The following ENTPD1 variants were observed in gnomAD, a reference collection of about 807,000 sequenced individuals.
ENTPD1 encodes the protein ATP diphosphohydrolase.
ENTPD1 carries 33 observed loss-of-function variants against 57.0 expected under a neutral mutation model. That is an observed-to-expected ratio of 0.58 (90% CI 0.44 to 0.77). The LOEUF is 0.77. Ranked by LOEUF, ENTPD1 falls within the 30% of genes least tolerant of loss-of-function variation. The pLI, the probability that ENTPD1 is intolerant of heterozygous loss-of-function variation, is 0.00. For missense variants in ENTPD1, 501 were observed against 603.4 expected (o/e 0.83, Z 1.78); for synonymous variants, 202 against 218.8 (o/e 0.92, Z 0.68).
At chr10:95,756,332 G>A in intron 1 of ENTPD1, 77 bp downstream of exon 1, 2 of 1,474,192 alleles carry the variant, frequency 1.4e-6, no homozygotes. Flanking sequence ...AGACCAAAAA[G>A]CAAGTACTTG....
chr10:95,814,430 T>C (rs2098322731), intron 1 of ENTPD1, among the ~76,000 whole-genome samples: 1 of 152,212 alleles, frequency 6.6e-6, no homozygotes, highest in African/African-American at 2.4e-5. Flanking sequence ...GAGTCAGGTA[T>C]AACCAAGTGC....
chr10:95,873,165 C>T lies in ENTPD1; in HGVS notation c.*6782C>T, dbSNP rs777356561. The T allele has an allele frequency of 3.0e-6, 3 of 985,320 alleles. No individual in the cohort carries two copies. Among genetic ancestry groups the T allele is most frequent in the Non-Finnish European group, 3.6e-6 (3 of 829,844 alleles). 61.0% of individuals were successfully genotyped at this position (985,320 alleles called of 1,614,324 possible). On this transcript the variant is annotated 3_prime_UTR_variant, in exon 10 of 10. Coordinates refer to ENST00000371205, the MANE Select transcript of ENTPD1 (RefSeq NM_001776.6). Reference sequence around the variant, plus strand: ...CCAATACATCTGTCCAGGAATCACACTTTGCGTATCAAAGGTCTAGATGAC... The same window carrying T: ...CCAATACATCTGTCCAGGAATCACATTTTGCGTATCAAAGGTCTAGATGAC...
In ENTPD1 at chr10:95,839,802, G is replaced by C. The variant is rs1264964238; in HGVS notation, c.256G>C (p.Val86Leu). The change falls in exon 3 of 10, where the codon GTT (valine) becomes CTT (leucine). Residue 86 changes from valine to leucine, a missense_variant. Physicochemically the swap from Val to Leu is conservative, Grantham distance 32. Coordinates refer to ENST00000371205, the MANE Select transcript of ENTPD1 (RefSeq NM_001776.6). ...GVVHQVEECR[V>L]KGPGISKFVQ... ...GGTGCATCAAGTAGAAGAATGCAGG[G>C]TTAAAGGTAAGATGAAGACCAAGGG... 59 of 1,613,902 alleles carry C rather than the reference G, an allele frequency of 3.7e-5. No individual in the cohort carries two copies. The highest frequency in any genetic ancestry group is 4.7e-5 in the Non-Finnish European group (56 of 1,179,976).
chr10:95,716,607 G>GT, intron 1 of ENTPD1, among the ~76,000 whole-genome samples: 1 of 152,260 alleles, frequency 6.6e-6, no homozygotes, highest in Admixed American at 6.5e-5. Context: ...TTCCTCTCAT[G>GT]TTTTGTCTCT....
chr10:95,871,585 A>C lies in ENTPD1; in HGVS notation c.*5202A>C. 3 of 985,468 alleles carry C rather than the reference A, an allele frequency of 3.0e-6. No homozygotes were observed. Among genetic ancestry groups the C allele is most frequent in the Non-Finnish European group, 3.6e-6 (3 of 829,934 alleles). The allele number at this position is 985,468 out of a possible 1,614,324, so 61.0% of individuals were successfully genotyped here. ...TATAATGGATTTTTCAATAGTGAGG[A>C]GGTGCCTCCATGAGCCTTCTCTTTA... On this transcript the variant is annotated 3_prime_UTR_variant, in exon 10 of 10. Transcript: ENST00000371205.
intron 7 of ENTPD1, among the ~76,000 whole-genome samples, chr10:95,850,039 C>T (rs2140898279): frequency 6.6e-6 from 1 of 152,340 alleles, no homozygotes; most frequent in African/African-American, 2.4e-5. Flanking sequence ...CAAACCTTTC[C>T]TCCTTAGGGG....
intron 1 of ENTPD1, among the ~76,000 whole-genome samples, chr10:95,806,815 C>T (rs546557562): frequency 5.9e-5 from 9 of 152,310 alleles, no homozygotes; most frequent in African/African-American, 1.9e-4. Context: ...GTATCACCAG[C>T]GGAGGCTGCA....
chr10:95,779,196 G>T lies in ENTPD1; in HGVS notation c.16+22941G>T, dbSNP rs143287897. 1.4e-4 allele frequency among the ~76,000 whole-genome samples: 22 copies of T among 152,134 alleles called. 1 individual carries two copies. The East Asian group carries it at 4.2e-3, about 29-fold the overall frequency. On this transcript the variant is annotated intron_variant, in intron 1 of 9. Transcript: ENST00000371205. ...TTCCACTGTCATTAGAACTAGTTCT[G>T]CCCTGTAGACCATAGAGATCCTCTC...
At chr10:95,770,242 A>AGAGT (rs752721143) in intron 1 of ENTPD1, among the ~76,000 whole-genome samples, 4,785 of 126,318 alleles carry the variant, frequency 0.038, 106 homozygotes, top group Non-Finnish European at 0.052. Context: ...AGAGAGAGAG[A>AGAGT]GAGTGAGTGA....
At chr10:95,761,390 C>T (rs2098061682) in intron 1 of ENTPD1, among the ~76,000 whole-genome samples, 1 of 152,162 alleles carries the variant, frequency 6.6e-6, no homozygotes, top group African/African-American at 2.4e-5. Flanking sequence ...ACATTTCTAA[C>T]AAGTTCCCAG....
chr10:95,760,814 C>CTTTTTTTTTTTTTTTTTTT lies in ENTPD1; in HGVS notation c.16+4574_16+4592dup, dbSNP rs71034350. ...TGGAGTAAATTACATAGAGTTTATT[C>CTTTTTTTTTTTTTTTTTTT]TTTTTTTTTTTTTTTTTTTTTTTTT... is the stretch of plus-strand genomic sequence containing the variant. On this transcript the variant is annotated intron_variant, in intron 1 of 9. Transcript: ENST00000371205. Among the ~76,000 whole-genome samples, 17 of 62,972 alleles carry CTTTTTTTTTTTTTTTTTTT rather than the reference C, an allele frequency of 2.7e-4. 3 individuals carry two copies. Among genetic ancestry groups the CTTTTTTTTTTTTTTTTTTT allele is most frequent in the East Asian group, 1.3e-3 (2 of 1,512 alleles). 41.3% of individuals were successfully genotyped at this position (62,972 alleles called of 152,430 possible).
In ENTPD1 at chr10:95,728,659, A is replaced by G. The variant is rs905383384; in HGVS notation, c.37+16666A>G. Among the ~76,000 whole-genome samples the G allele has an allele frequency of 2.0e-5, 3 of 152,172 alleles. No individual in the cohort carries two copies. The South Asian group carries it at 6.2e-4, about 32-fold the overall frequency. On this transcript the variant is annotated intron_variant, in intron 1 of 9. Coordinates refer to the ENTPD1 transcript ENST00000453258. ...GAGATCAGTTTTTACTGTGACACAC[A>G]ATTTACTGGAAAGATGAACTGCTCA... is the stretch of plus-strand genomic sequence containing the variant.
intron 1 of ENTPD1, among the ~76,000 whole-genome samples, chr10:95,732,497 A>T (rs909748633): frequency 2.0e-5 from 3 of 152,184 alleles, no homozygotes; most frequent in Non-Finnish European, 2.9e-5. Context: ...TATCAATGAA[A>T]ATTTGTAGGG....
In ENTPD1 at chr10:95,743,997, CATATATATATATATATATATAT is replaced by C. The variant is rs57187898; in HGVS notation, c.37+32021_37+32042del. ...AAGAAAATATAGATGTATTTTAAAC[CATATATATATATATATATATAT>C]ATATATATATATATATGCACAACTA... On this transcript the variant is annotated intron_variant, in intron 1 of 9. Transcript: ENST00000453258. Among the ~76,000 whole-genome samples, 48 of 80,998 alleles carry C rather than the reference CATATATATATATATATATATAT, an allele frequency of 5.9e-4. 1 individual carries two copies. The highest frequency in any genetic ancestry group is 1.0e-3 in the African/African-American group (26 of 25,912). 53.1% of individuals were successfully genotyped at this position (80,998 alleles called of 152,430 possible).
chr10:95,728,947 G>A (rs1207630272), intron 1 of ENTPD1, among the ~76,000 whole-genome samples: 1 of 151,980 alleles, frequency 6.6e-6, no homozygotes, highest in African/African-American at 2.4e-5. Flanking sequence ...TATATTTTAT[G>A]TTAGTAAACA....
At position 95,876,139 on chromosome 10, in the gene ENTPD1, T is replaced by G. The variant is rs900633539; in HGVS notation, c.*9756T>G. ...AAAAATAGAGCCTCAATAAACAGAT[T>G]CCCAGTTTTGAAAATGCAACATTTG... On this transcript the variant is annotated 3_prime_UTR_variant, in exon 10 of 10. Transcript: ENST00000371205. 27 of 985,358 alleles carry G rather than the reference T, an allele frequency of 2.7e-5. 1 individual carries two copies. In the East Asian group the frequency reaches 5.7e-4, roughly 21 times the overall value. 61.0% of individuals were successfully genotyped at this position (985,358 alleles called of 1,614,324 possible). A position where few individuals can be genotyped will look rare whatever the true frequency, so the allele number is the denominator to read the frequency against.
chr10:95,755,615 C>G, upstream of ENTPD1: 1 of 1,361,680 alleles, frequency 7.3e-7, no homozygotes, highest in South Asian at 1.3e-5. Flanking sequence ...CAACCAATAA[C>G]GCAGCGTCTC....
At chr10:95,855,996 T>C (rs1185449953) in intron 7 of ENTPD1, among the ~76,000 whole-genome samples, 2 of 152,344 alleles carry the variant, frequency 1.3e-5, no homozygotes, top group East Asian at 3.9e-4. Flanking sequence ...CTTGCTAGAT[T>C]GGGGAAGTTC....
chr10:95,711,965 AAC>A lies in ENTPD1; in HGVS notation c.10_11del (p.Thr4GlnfsTer11). 1 of 1,613,476 alleles carries A rather than the reference AAC, an allele frequency of 6.2e-7. No individual in the cohort carries two copies. The highest frequency in any genetic ancestry group is 8.5e-7 in the Non-Finnish European group (1 of 1,180,002). On this transcript the variant is annotated frameshift_variant, in exon 1 of 10. Transcript: ENST00000453258. LOFTEE classifies it high-confidence loss of function. ...TTCTTCTGGAAGCTGCAATGAAGGG[AAC>A]CAAGGACCTGACAAGCCAGCAGAAG...
Sources: gnomAD v4.1 joint callset for allele counts (sites outside exome capture counted in the v4.1 genomes callset) on GRCh38, gnomAD v4.1.1 for gene constraint, MANE v1.5 for transcripts, NCBI Gene and HGNC (gene_info 2026-07-23, HGNC 2026-07-21) for gene names.